The following CLSTN2 variants were observed in gnomAD, a reference collection of about 807,000 sequenced individuals.
The protein encoded by CLSTN2 is calsyntenin 2, also known as calsyntenin-2.
In CLSTN2, 48 loss-of-function variants were observed where a neutral mutation model predicts 101.2. The observed-to-expected ratio is 0.47, with a 90% confidence interval of 0.38 to 0.60. The LOEUF (loss-of-function observed/expected upper bound fraction) is 0.60. Ranked by LOEUF, CLSTN2 falls within the 20% of genes least tolerant of loss-of-function variation. The pLI is 0.00. For synonymous variants in CLSTN2, 481 were observed against 463.6 expected (o/e 1.04, Z -0.48); for missense variants, 1,160 against 1,238.2 (o/e 0.94, Z 0.95).
intron 1 of CLSTN2, among the ~76,000 whole-genome samples, chr3:140,136,950 T>C (rs995112459): frequency 6.6e-6 from 1 of 152,228 alleles, no homozygotes; most frequent in Admixed American, 6.5e-5. Flanking sequence ...ATGAAATGGC[T>C]ATAACATGTG....
intron 1 of CLSTN2, among the ~76,000 whole-genome samples, chr3:139,971,825 C>T (rs1028027324): frequency 1.9e-4 from 29 of 152,272 alleles, no homozygotes; most frequent in Non-Finnish European, 2.4e-4. Flanking sequence ...TCCAGCTGTG[C>T]CTCATGCCCA....
At chr3:140,564,303 T>C (rs1935989743) in intron 16 of CLSTN2, among the ~76,000 whole-genome samples, 158 bp downstream of exon 16, 2 of 152,176 alleles carry the variant, frequency 1.3e-5, no homozygotes, top group African/African-American at 4.8e-5. Flanking sequence ...TGAGCTCCTC[T>C]AGCCCTCTCA....
At chr3:140,286,460 C>T (rs1440057086) in intron 2 of CLSTN2, among the ~76,000 whole-genome samples, 1 of 152,164 alleles carries the variant, frequency 6.6e-6, no homozygotes, top group African/African-American at 2.4e-5. Flanking sequence ...ATGTCCCTGA[C>T]AAATTAGGGA....
At chr3:140,074,972 C>G (rs1053620059) in intron 1 of CLSTN2, among the ~76,000 whole-genome samples, 15 of 152,270 alleles carry the variant, frequency 9.9e-5, no homozygotes, top group African/African-American at 3.6e-4. Flanking sequence ...GTTTGTCTCT[C>G]CCCTGCATTT....
At chr3:140,427,854 G>A (rs986298749) in intron 5 of CLSTN2, among the ~76,000 whole-genome samples, 29 of 152,278 alleles carry the variant, frequency 1.9e-4, no homozygotes, top group African/African-American at 5.5e-4. Flanking sequence ...CTCATCACCT[G>A]AGCACTATAC....
intron 8 of CLSTN2, among the ~76,000 whole-genome samples, chr3:140,529,325 T>C (rs914061884): frequency 2.6e-5 from 4 of 152,220 alleles, no homozygotes; most frequent in African/African-American, 9.6e-5. Context: ...CAGAGATTCA[T>C]GTGTCTTTGG....
At chr3:140,294,387 C>A (rs1295679260) in intron 2 of CLSTN2, among the ~76,000 whole-genome samples, 1 of 151,610 alleles carries the variant, frequency 6.6e-6, no homozygotes, top group Non-Finnish European at 1.5e-5. Flanking sequence ...CCTACACTGA[C>A]TTTTGCTCCA....
Position 140,241,410 on chromosome 3 carries a change from T to C in CLSTN2, c.232+65337T>C, listed in dbSNP as rs1193728472. On this transcript the variant is annotated intron_variant, in intron 2 of 16. Coordinates refer to ENST00000458420, the MANE Select transcript of CLSTN2 (RefSeq NM_022131.3). Reference sequence around the variant, plus strand: ...GAGAGTGGACTCAATGTTTCGTGAGTCCACCGACCTTGATCTGTGGTCCAG... The same window carrying C: ...GAGAGTGGACTCAATGTTTCGTGAGCCCACCGACCTTGATCTGTGGTCCAG... Among the ~76,000 whole-genome samples, 15 of 152,182 alleles carry C rather than the reference T, an allele frequency of 9.9e-5. No individual in the cohort carries two copies. In the East Asian group the frequency reaches 2.9e-3, roughly 30 times the overall value.
At chr3:140,180,483 G>T (rs2010391689) in intron 2 of CLSTN2, among the ~76,000 whole-genome samples, 1 of 152,144 alleles carries the variant, frequency 6.6e-6, no homozygotes. Context: ...ATACAGAAAA[G>T]AAAATCCTTG....
At chr3:140,501,385 T>C (rs1275473515) in intron 8 of CLSTN2, among the ~76,000 whole-genome samples, 1 of 151,268 alleles carries the variant, frequency 6.6e-6, no homozygotes, top group Non-Finnish European at 1.5e-5. Flanking sequence ...AGCTTTCTCC[T>C]GCCTAGCCTG....
At chr3:139,956,106 C>T (rs1446279098) in intron 1 of CLSTN2, among the ~76,000 whole-genome samples, 2 of 152,150 alleles carry the variant, frequency 1.3e-5, no homozygotes, top group Non-Finnish European at 2.9e-5. Context: ...CCTGACTTCC[C>T]TATTTTCCAG....
chr3:140,121,440 G>A (rs1250236725), intron 1 of CLSTN2, among the ~76,000 whole-genome samples: 2 of 152,126 alleles, frequency 1.3e-5, no homozygotes, highest in Non-Finnish European at 2.9e-5. Context: ...GGTGGAGCAG[G>A]GCATAGAGTA....
At chr3:140,328,953 C>A (rs2087356350) in intron 2 of CLSTN2, among the ~76,000 whole-genome samples, 1 of 152,150 alleles carries the variant, frequency 6.6e-6, no homozygotes, top group African/African-American at 2.4e-5. Flanking sequence ...AACAAAAGCA[C>A]TGAACTCAGA....
At chr3:140,481,121 G>T (rs1231570999) in intron 8 of CLSTN2, among the ~76,000 whole-genome samples, 2 of 152,158 alleles carry the variant, frequency 1.3e-5, no homozygotes, top group African/African-American at 4.8e-5. Context: ...ATTAATTTTT[G>T]TATAAGGTGT....
At chr3:140,272,272 C>A (rs1286580194) in intron 2 of CLSTN2, among the ~76,000 whole-genome samples, 2 of 152,210 alleles carry the variant, frequency 1.3e-5, no homozygotes, top group African/African-American at 4.8e-5. Flanking sequence ...GGGCAAGTTA[C>A]CTATGATTGC....
intron 2 of CLSTN2, among the ~76,000 whole-genome samples, chr3:140,351,027 A>C (rs1256881768): frequency 6.6e-6 from 1 of 152,200 alleles, no homozygotes; most frequent in East Asian, 1.9e-4. Context: ...AAAGGTACTC[A>C]GGATGCTTCA....
At chr3:140,406,626 A>T (rs1191046447) in intron 4 of CLSTN2, among the ~76,000 whole-genome samples, 2 of 152,220 alleles carry the variant, frequency 1.3e-5, no homozygotes, top group Non-Finnish European at 2.9e-5. Flanking sequence ...CCACAGAGGC[A>T]CACATGTGCA....
chr3:140,225,921 A>ATTTT (rs1559811623), intron 2 of CLSTN2, among the ~76,000 whole-genome samples: 14 of 148,890 alleles, frequency 9.4e-5, no homozygotes, highest in African/African-American at 3.7e-4. Context: ...TTTTTTTAAA[A>ATTTT]AAAAAAGGAC....
chr3:140,135,087 A>ACACAC (rs1553801553), intron 1 of CLSTN2, among the ~76,000 whole-genome samples: 589 of 51,140 alleles, frequency 0.012, 55 homozygotes, highest in East Asian at 0.019. Flanking sequence ...CTCTCAAAAA[A>ACACAC]ACACACACAC....
Sources: gnomAD v4.1 joint callset for allele counts (sites outside exome capture counted in the v4.1 genomes callset) on GRCh38, gnomAD v4.1.1 for gene constraint, MANE v1.5 for transcripts, NCBI Gene and HGNC (gene_info 2026-07-23, HGNC 2026-07-21) for gene names.